CHN1: variants seen among roughly 807,000 people sequenced by gnomAD.
The protein encoded by CHN1 is chimerin 1.
A neutral mutation model predicts 59.5 loss-of-function variants in CHN1; 37 were observed. The ratio of observed to expected loss-of-function variants is 0.62; its 90% CI spans 0.48 to 0.82. CHN1 has a LOEUF of 0.82. CHN1 is among the 40% of genes least tolerant of loss of function. CHN1 has a pLI of 0.00. For missense variants in CHN1, 469 were observed against 571.0 expected (o/e 0.82, Z 1.82); for synonymous variants, 206 against 200.4 (o/e 1.03, Z -0.24).
chr2:174,934,217 C>T (rs1447574058), intron 3 of CHN1, among the ~76,000 whole-genome samples: 1 of 152,048 alleles, frequency 6.6e-6, no homozygotes, highest in Non-Finnish European at 1.5e-5. Context: ...TCAGTGGGAG[C>T]CCTGAGCTTG....
intron 1 of CHN1, among the ~76,000 whole-genome samples, chr2:175,004,117 G>A (rs1188820444): frequency 6.6e-6 from 1 of 152,174 alleles, no homozygotes; most frequent in Non-Finnish European, 1.5e-5. Flanking sequence ...TTTTCTTAAA[G>A]TCAGGTACGT....
At chr2:174,971,483 G>A (rs1371326641) in intron 1 of CHN1, among the ~76,000 whole-genome samples, 1 of 152,108 alleles carries the variant, frequency 6.6e-6, no homozygotes, top group Non-Finnish European at 1.5e-5. Flanking sequence ...TCTCAATGTT[G>A]TAGAATATAA....
intron 8 of CHN1, among the ~76,000 whole-genome samples, chr2:174,817,613 C>T (rs932073595): frequency 6.7e-6 from 1 of 150,052 alleles, no homozygotes; most frequent in African/African-American, 2.5e-5. Flanking sequence ...AGACACGCGT[C>T]GCTACGCCCA....
At chr2:174,914,627 G>A (rs934573841) in intron 5 of CHN1, among the ~76,000 whole-genome samples, 2 of 151,996 alleles carry the variant, frequency 1.3e-5, no homozygotes, top group Admixed American at 6.6e-5. Context: ...TGGGTGACAC[G>A]AAGTCAAGAG....
intron 5 of CHN1, among the ~76,000 whole-genome samples, chr2:174,889,020 G>A (rs542857618): frequency 6.6e-6 from 1 of 152,270 alleles, no homozygotes; most frequent in Admixed American, 6.5e-5. Flanking sequence ...ACTTGATTCA[G>A]GGGAGAGTGG....
At position 174,944,896 on chromosome 2, in the gene CHN1, T is replaced by C; in HGVS notation, c.106A>G (p.Thr36Ala). 2 of 1,582,126 alleles carry C rather than the reference T, an allele frequency of 1.3e-6. No individual in the cohort carries two copies. Among genetic ancestry groups the C allele is most frequent in the Non-Finnish European group, 1.7e-6 (2 of 1,162,438 alleles). Reference sequence around the variant, plus strand: ...AGTTTCATTACACCCACCTCGCAAGTACAGGTAATTCTTCGAGGATGAGGG... The same window carrying C: ...AGTTTCATTACACCCACCTCGCAAGCACAGGTAATTCTTCGAGGATGAGGG... ...EAPHPRRITC[T>A]CEVENRPKYY... is the part of the protein sequence containing the mutation. The change falls in exon 3 of 13, where the codon ACT becomes GCT. Residue 36 changes from threonine to alanine, a missense_variant. Transcript: ENST00000409900.
intron 1 of CHN1, among the ~76,000 whole-genome samples, chr2:174,965,116 C>G (rs185361526): frequency 6.6e-6 from 1 of 152,038 alleles, no homozygotes; most frequent in Admixed American, 6.5e-5. Flanking sequence ...TATTCATTTA[C>G]TGACTGATAG....
rs527711181 is a variant in CHN1 at position 174,910,128 on chromosome 2, T to C, written c.260+4930A>G. 3.9e-5 allele frequency among the ~76,000 whole-genome samples: 6 copies of C among 152,364 alleles called. No homozygotes were observed. In the South Asian group the frequency reaches 8.3e-4, roughly 21 times the overall value. ...GATTTTCCTCTATTCTTTCAATCTA[T>C]ACATTACATAGAAAGTGTTCCTGTT... On this transcript the variant is annotated intron_variant, in intron 5 of 12. Transcript: ENST00000409900.
chr2:174,952,270 A>C, intron 1 of CHN1, 68 bp from the exon 2 acceptor site: 1 of 945,724 alleles, frequency 1.1e-6, no homozygotes, highest in South Asian at 1.9e-5. Context: ...TTTAATCATT[A>C]ACTCATTTAA....
At chr2:174,807,622 C>G (rs1010324791) in intron 11 of CHN1, among the ~76,000 whole-genome samples, 6 of 151,938 alleles carry the variant, frequency 3.9e-5, no homozygotes, top group African/African-American at 1.5e-4. Context: ...AGCACTGCGT[C>G]CATAAGAGAC....
At chr2:174,977,055 A>G (rs1030136993) in intron 1 of CHN1, among the ~76,000 whole-genome samples, 3 of 152,138 alleles carry the variant, frequency 2.0e-5, no homozygotes, top group South Asian at 2.1e-4. Context: ...TTCACTGTCA[A>G]TTCTTGAGTT....
intron 1 of CHN1, among the ~76,000 whole-genome samples, chr2:174,964,939 GTGC>G (rs1163357113): frequency 1.3e-5 from 2 of 151,946 alleles, no homozygotes; most frequent in Non-Finnish European, 2.9e-5. Flanking sequence ...ATAATCTTTT[GTGC>G]TGCTTTTTCT....
At chr2:174,808,173 G>A (rs1008242281) in intron 11 of CHN1, among the ~76,000 whole-genome samples, 1 of 152,224 alleles carries the variant, frequency 6.6e-6, no homozygotes, top group Non-Finnish European at 1.5e-5. Context: ...AATAGTCTGA[G>A]TGAACTTATA....
At chr2:174,811,148 G>A (rs1468740088) in intron 10 of CHN1, 1 of 157,780 alleles carries the variant, frequency 6.3e-6, no homozygotes, top group Non-Finnish European at 1.4e-5. Flanking sequence ...TGACAGGCAG[G>A]GTAAGGTGGG....
At chr2:174,808,809 A>G (rs1684985684) in intron 11 of CHN1, 96 bp downstream of exon 11, 1 of 1,339,498 alleles carries the variant, frequency 7.5e-7, no homozygotes, top group Non-Finnish European at 1.1e-6. Context: ...AAGGGGAAAC[A>G]TTTCATAAAA....
intron 5 of CHN1, among the ~76,000 whole-genome samples, chr2:174,881,692 C>A (rs1205895926): frequency 6.6e-6 from 1 of 152,140 alleles, no homozygotes; most frequent in East Asian, 1.9e-4. Flanking sequence ...GCAACACTGG[C>A]TGTACAGGAA....
chr2:174,800,847 G>GAAC (rs1257285538), intron 12 of CHN1, among the ~76,000 whole-genome samples: 3 of 152,164 alleles, frequency 2.0e-5, no homozygotes, highest in African/African-American at 7.2e-5. Flanking sequence ...TTTTAGTGTG[G>GAAC]AACACTTAAA....
intron 5 of CHN1, among the ~76,000 whole-genome samples, chr2:174,901,676 A>C (rs1157731182): frequency 2.0e-5 from 3 of 152,220 alleles, no homozygotes; most frequent in African/African-American, 7.2e-5. Context: ...TCTAAAAACA[A>C]AGCAACAGGG....
chr2:175,005,015 T>C lies in CHN1; in HGVS notation c.-103A>G. ...CACCCACACCTCGGAGAGAGTGGGGTGCCCGATGGGGCGTGCTGGGGGCGC... is the reference window on the plus strand; with the variant it reads ...CACCCACACCTCGGAGAGAGTGGGGCGCCCGATGGGGCGTGCTGGGGGCGC... On this transcript the variant is annotated 5_prime_UTR_variant, in exon 1 of 13. Transcript: ENST00000409900. The C allele has an allele frequency of 6.8e-7, 1 of 1,474,532 alleles. No homozygotes were observed. The highest frequency in any genetic ancestry group is 9.0e-7 in the Non-Finnish European group (1 of 1,112,132). 91.3% of individuals were successfully genotyped at this position (1,474,532 alleles called of 1,614,324 possible).
Sources: gnomAD v4.1 joint callset for allele counts (sites outside exome capture counted in the v4.1 genomes callset) on GRCh38, gnomAD v4.1.1 for gene constraint, MANE v1.5 for transcripts, NCBI Gene and HGNC (gene_info 2026-07-23, HGNC 2026-07-21) for gene names.